Variants in ZFC3H1 observed in about 807,000 individuals in gnomAD.
ZFC3H1 encodes zinc finger C3H1-type containing, also known as zinc finger C3H1 domain-containing protein.
Under a neutral mutation model 243.7 loss-of-function variants are expected in ZFC3H1, and 71 were observed. The observed-to-expected ratio is 0.29, with a 90% CI of 0.24 to 0.36. The LOEUF (loss-of-function observed/expected upper bound fraction) is 0.36. ZFC3H1 is among the 10% of genes least tolerant of loss of function. The pLI is 1.00. For synonymous variants in ZFC3H1, 838 were observed against 813.0 expected (o/e 1.03, Z -0.52); for missense variants, 1,966 against 2,317.1 (o/e 0.85, Z 3.11).
intron 6 of ZFC3H1, among the ~76,000 whole-genome samples, chr12:71,640,625 C>T (rs192019465): frequency 6.6e-6 from 1 of 152,334 alleles, no homozygotes; most frequent in East Asian, 1.9e-4. Context: ...TTACAGGGAA[C>T]GGGCAGGCTG....
chr12:71,619,496 G>C, intron 26 of ZFC3H1, 87 bp from the exon 27 acceptor site: 2 of 1,262,184 alleles, frequency 1.6e-6, no homozygotes, highest in Middle Eastern at 2.1e-4. Context: ...CCTTAAAAAA[G>C]TACTCATTAG....
intron 6 of ZFC3H1, among the ~76,000 whole-genome samples, chr12:71,640,896 T>C (rs1251934702): frequency 6.6e-6 from 1 of 152,158 alleles, no homozygotes; most frequent in Non-Finnish European, 1.5e-5. Flanking sequence ...CGAAAAACTC[T>C]ATATGGAAAA....
Position 71,615,299 on chromosome 12 carries a change from G to A in ZFC3H1, c.5162C>T (p.Pro1721Leu), listed in dbSNP as rs1379878303. 6.2e-7 allele frequency: 1 copy of A among 1,610,404 alleles called. No homozygotes were observed. Among genetic ancestry groups the A allele is most frequent in the Non-Finnish European group, 8.5e-7 (1 of 1,178,168 alleles). The change falls in exon 28 of 35, where the codon CCA (proline) becomes CTA (leucine). Residue 1721 changes from proline (P) to leucine (L), a missense_variant. Pro to Leu is a moderately conservative substitution (Grantham distance 98). Coordinates refer to ENST00000378743, the MANE Select transcript of ZFC3H1 (RefSeq NM_144982.5). ...LDLFRYLLNI[P>L]GPIDIPSRLC... ...ACGAGATGGAATGTCAATTGGTCCTGGAATATTTAAGAGATACCTGAAAAA... is the reference window on the plus strand; with the variant it reads ...ACGAGATGGAATGTCAATTGGTCCTAGAATATTTAAGAGATACCTGAAAAA...
intron 9 of ZFC3H1, 35 bp downstream of exon 9, chr12:71,636,455 T>C: frequency 1.3e-6 from 2 of 1,571,202 alleles, no homozygotes; most frequent in South Asian, 1.2e-5. Flanking sequence ...ATCATAACTG[T>C]TTGAATAAAA....
At chr12:71,641,358 T>C (rs1161914844) in intron 6 of ZFC3H1, among the ~76,000 whole-genome samples, 3 of 152,228 alleles carry the variant, frequency 2.0e-5, no homozygotes, top group African/African-American at 7.2e-5. Flanking sequence ...ATACATATTT[T>C]GTTTTGTCTC....
At chr12:71,652,091 G>GAAGAGTTGT (rs990414638) in intron 2 of ZFC3H1, among the ~76,000 whole-genome samples, 5 of 152,172 alleles carry the variant, frequency 3.3e-5, no homozygotes, top group African/African-American at 1.2e-4. Flanking sequence ...TGAAGGTATA[G>GAAGAGTTGT]AAGAGTTGTC....
chr12:71,616,058 G>T (rs892987158), intron 27 of ZFC3H1, among the ~76,000 whole-genome samples: 1 of 152,292 alleles, frequency 6.6e-6, no homozygotes, highest in Non-Finnish European at 1.5e-5. Context: ...GGGAGGCTGA[G>T]GCGGGTGGTT....
rs533258496 is a variant in ZFC3H1 at position 71,651,131 on chromosome 12, G to A, written c.1016-3318C>T. On this transcript the variant is annotated intron_variant, in intron 2 of 34. Coordinates refer to ENST00000378743, the MANE Select transcript of ZFC3H1 (RefSeq NM_144982.5). Reference sequence around the variant, plus strand: ...GAGCTCCCAGTTCAATAGATCTAAGGTAGAGACTGAGAATTTGTGTTCTGT... The same window carrying A: ...GAGCTCCCAGTTCAATAGATCTAAGATAGAGACTGAGAATTTGTGTTCTGT... 4.6e-5 allele frequency among the ~76,000 whole-genome samples: 7 copies of A among 152,334 alleles called. No individual in the cohort carries two copies. The South Asian group carries it at 8.3e-4, about 18-fold the overall frequency.
At position 71,635,430 on chromosome 12, in the gene ZFC3H1, T is replaced by A. The variant is rs1880435038; in HGVS notation, c.2238+13A>T. ...AGGTCATCTTTCTTTCCACCTTTAATTATTGCACTTACCTCAGCAGTTCGT... is the reference window on the plus strand; with the variant it reads ...AGGTCATCTTTCTTTCCACCTTTAAATATTGCACTTACCTCAGCAGTTCGT... On this transcript the variant is annotated intron_variant, in intron 10 of 34. Transcript: ENST00000378743. 5.8e-6 allele frequency: 9 copies of A among 1,561,560 alleles called. No homozygotes were observed. The highest frequency in any genetic ancestry group is 7.7e-6 in the Non-Finnish European group (9 of 1,163,034).
At chr12:71,650,089 A>C (rs903527354) in intron 2 of ZFC3H1, among the ~76,000 whole-genome samples, 2 of 152,134 alleles carry the variant, frequency 1.3e-5, no homozygotes, top group African/African-American at 4.8e-5. Flanking sequence ...TCGGGAGGCC[A>C]AGGCAGAATA....
Position 71,635,539 on chromosome 12 carries a change from T to C in ZFC3H1, c.2142A>G (p.Ser714=), listed in dbSNP as rs556873602. The change falls in exon 10 of 35, where the codon TCA becomes TCG. Residue 714 remains serine (S), a synonymous_variant. Coordinates refer to ENST00000378743, the MANE Select transcript of ZFC3H1 (RefSeq NM_144982.5). ...CCTCTCCATCAGATTCACTATCATC[T>C]GAATCATTTAGTGTTACAACCACTG... ...HKSVVVTLND[S]DDSESDGEAS... The C allele has an allele frequency of 3.2e-6, 5 of 1,564,634 alleles. No homozygotes were observed. Among genetic ancestry groups the C allele is most frequent in the Non-Finnish European group, 4.3e-6 (5 of 1,164,098 alleles).
intron 2 of ZFC3H1, 67 bp downstream of exon 2, chr12:71,656,818 C>T (rs776792063): frequency 1.4e-6 from 2 of 1,476,226 alleles, no homozygotes; most frequent in East Asian, 2.3e-5. Flanking sequence ...AGTACACTGC[C>T]AAAACAAGTA....
Position 71,631,898 on chromosome 12 carries a change from AAAT to A in ZFC3H1, c.3361-14_3361-12del, listed in dbSNP as rs752632447. On this transcript the variant is annotated splice_polypyrimidine_tract_variant and intron_variant, in intron 15 of 34. Coordinates refer to ENST00000378743, the MANE Select transcript of ZFC3H1 (RefSeq NM_144982.5). ...ATCTACAGAAATCTCCTGCAAAAGA[AAAT>A]AATAATTCTGTAAGGCAAATAAGGC... The A allele has an allele frequency of 3.1e-6, 5 of 1,608,332 alleles. No homozygotes were observed. In the Admixed American group the frequency reaches 8.5e-5, roughly 27 times the overall value.
intron 2 of ZFC3H1, chr12:71,656,514 T>C (rs1405722652): frequency 1.5e-6 from 1 of 659,602 alleles, no homozygotes; most frequent in South Asian, 1.7e-5. Context: ...ACGCTGAAAA[T>C]TTCAAACCAG....
chr12:71,626,158 C>CT, intron 22 of ZFC3H1, 102 bp downstream of exon 22: 1 of 1,235,190 alleles, frequency 8.1e-7, no homozygotes, highest in Non-Finnish European at 1.1e-6. Context: ...TCAGATAAAG[C>CT]ATATGCTCTA....
rs1411129392 is a variant in ZFC3H1, at chr12:71,614,975, T to C, written c.5256-37A>G. ...ATGAAGGAAAACATATGTCTATCAT[T>C]CATTTCCATCAGGTGAAGGAATGAC... is the stretch of plus-strand genomic sequence containing the variant. On this transcript the variant is annotated intron_variant, in intron 28 of 34. Coordinates refer to ENST00000378743, the MANE Select transcript of ZFC3H1 (RefSeq NM_144982.5). 3.3e-6 allele frequency: 5 copies of C among 1,497,684 alleles called. No individual in the cohort carries two copies. The African/African-American group carries it at 5.5e-5, about 17-fold the overall frequency. 92.8% of individuals were successfully genotyped at this position (1,497,684 alleles called of 1,614,324 possible). A position where few individuals can be genotyped will look rare whatever the true frequency, so the allele number is the denominator to read the frequency against.
chr12:71,662,627 A>C (rs912409459), intron 1 of ZFC3H1, among the ~76,000 whole-genome samples: 13 of 152,148 alleles, frequency 8.5e-5, no homozygotes, highest in African/African-American at 3.1e-4. Context: ...ATAAAGCAAC[A>C]ATATTACTTA....
chr12:71,610,847 A>G (rs1375987297), intron 33 of ZFC3H1, 90 bp from the exon 34 acceptor site: 13 of 1,461,068 alleles, frequency 8.9e-6, no homozygotes, highest in Admixed American at 3.8e-5. Flanking sequence ...GTAATTCACA[A>G]TAACATCTGA....
Position 71,630,922 on chromosome 12 carries a change from A to G in ZFC3H1, c.3503T>C (p.Leu1168Pro). ...FSPYYRTKEK[L>P]PLSSVSYSNM... is the part of the protein sequence containing the mutation. ...ACTGTATGATACTGAGCTCAGGGGA[A>G]GTTTTTCCTTGGTTCGATAATATGG... is the stretch of plus-strand genomic sequence containing the variant. Residue 1168 changes from leucine to proline, a missense_variant, in exon 17 of 35, where the codon CTT becomes CCT. By Grantham distance (98) the Leu-to-Pro change is moderately conservative. Coordinates refer to ENST00000378743, the MANE Select transcript of ZFC3H1 (RefSeq NM_144982.5). The G allele has an allele frequency of 6.2e-7, 1 of 1,612,312 alleles. No homozygotes were observed. The highest frequency in any genetic ancestry group is 8.5e-7 in the Non-Finnish European group (1 of 1,178,804).
Sources: allele counts gnomAD v4.1 joint callset (sites outside exome capture counted in the v4.1 genomes callset), GRCh38; gene constraint gnomAD v4.1.1; transcripts MANE v1.5; gene names NCBI Gene and HGNC (gene_info 2026-07-23, HGNC 2026-07-21).